DNAJA1: variants seen among roughly 807,000 people sequenced by gnomAD.
DNAJA1 encodes the protein DnaJ heat shock protein family (Hsp40) member A1.
DNAJA1 carries 26 observed loss-of-function variants against 47.6 expected under a neutral mutation model. That is an observed-to-expected ratio of 0.55 (90% CI 0.40 to 0.76). The LOEUF (loss-of-function observed/expected upper bound fraction) is 0.76. Ranked by LOEUF, DNAJA1 falls within the 30% of genes least tolerant of loss-of-function variation. The pLI is 0.00. For synonymous variants in DNAJA1, 165 were observed against 158.4 expected, an observed-to-expected ratio of 1.04 and a Z score of -0.31; for missense variants, 315 against 485.0, an observed-to-expected ratio of 0.65 and a Z score of 3.29.
At chr9:33,033,265 T>G (rs951252889) in intron 5 of DNAJA1, among the ~76,000 whole-genome samples, 13 of 151,028 alleles carry the variant, frequency 8.6e-5, no homozygotes, top group Non-Finnish European at 1.8e-4. Flanking sequence ...TAGCACTGAT[T>G]GTTTTGTTTG....
Position 33,039,536 on chromosome 9 carries a change from C to CATATATATATATATATATATATATAT in DNAJA1, c.*644_*645insTATATATATATATATATATATATATA, listed in dbSNP as rs201643498. 5.0e-3 allele frequency: 568 copies of CATATATATATATATATATATATATAT among 113,430 alleles called. 45 individuals are homozygous for CATATATATATATATATATATATATAT. Among genetic ancestry groups the CATATATATATATATATATATATATAT allele is most frequent in the Non-Finnish European group, 7.8e-3 (368 of 47,418 alleles). 7.0% of individuals were successfully genotyped at this position (113,430 alleles called of 1,614,324 possible). On this transcript the variant is annotated 3_prime_UTR_variant, in exon 9 of 9. Transcript: ENST00000330899. The stretch of plus-strand genomic sequence containing the variant: ...TTGTGTTTCCTTCTGCTGTGCCATT[C>CATATATATATATATATATATATATAT]ATATATATATACATATATATATATA...
At chr9:33,030,417 T>A (rs1838942798) in intron 4 of DNAJA1, 23 bp from the exon 5 acceptor site, 2 of 1,591,876 alleles carry the variant, frequency 1.3e-6, no homozygotes, top group Non-Finnish European at 1.7e-6. Context: ...TCATACATTA[T>A]TTAATTTTCT....
Position 33,039,572 on chromosome 9 carries a change from G to T in DNAJA1, c.*669G>T, listed in dbSNP as rs1461627512. On this transcript the variant is annotated 3_prime_UTR_variant, in exon 9 of 9. Transcript: ENST00000330899. ...ACATATATATATATAATCTTGACCA[G>T]TCCTGGTCATTTGCTCCCCTCCTTG... The T allele has an allele frequency of 1.7e-5, 2 of 117,770 alleles. No homozygotes were observed. Among genetic ancestry groups the T allele is most frequent in the African/African-American group, 6.0e-5 (2 of 33,142 alleles). 7.3% of individuals were successfully genotyped at this position (117,770 alleles called of 1,614,324 possible).
chr9:33,034,192 AC>A (rs751877707), intron 5 of DNAJA1, 23 bp from the exon 6 acceptor site: 40 of 1,501,026 alleles, frequency 2.7e-5, no homozygotes, highest in Non-Finnish European at 3.5e-5. Flanking sequence ...TAATAAAAGT[AC>A]AAAATTAATG....
chr9:33,035,692 C>T (rs984249672), intron 6 of DNAJA1, among the ~76,000 whole-genome samples: 1 of 150,540 alleles, frequency 6.6e-6, no homozygotes, highest in African/African-American at 2.5e-5. Context: ...TGGTATCGAA[C>T]TCCTGACCTT....
At chr9:33,036,918 C>T in intron 7 of DNAJA1, 97 bp from the exon 8 acceptor site, 1 of 1,137,968 alleles carries the variant, frequency 8.8e-7, no homozygotes, top group Non-Finnish European at 1.3e-6. Flanking sequence ...AAGTTTTACT[C>T]CTGCCAATGA....
chr9:33,031,201 GTTC>G (rs1838956453), intron 5 of DNAJA1, among the ~76,000 whole-genome samples: 1 of 152,260 alleles, frequency 6.6e-6, no homozygotes, highest in East Asian at 1.9e-4. Flanking sequence ...GGTTCAAGCA[GTTC>G]TTCTGCCTCA....
chr9:33,039,053 A>C lies in DNAJA1; in HGVS notation c.*150A>C. 1.3e-6 allele frequency: 1 copy of C among 766,618 alleles called. No individual in the cohort carries two copies. Among genetic ancestry groups the C allele is most frequent in the Non-Finnish European group, 2.1e-6 (1 of 487,496 alleles). 47.5% of individuals were successfully genotyped at this position (766,618 alleles called of 1,614,324 possible). A position where few individuals can be genotyped will look rare whatever the true frequency, so the allele number is the denominator to read the frequency against. ...AAAAAGTTAAATGAAGAATAAACGCAAATATAAAAGCTCTGATTTTGCCCT... is the reference window on the plus strand; with the variant it reads ...AAAAAGTTAAATGAAGAATAAACGCCAATATAAAAGCTCTGATTTTGCCCT... On this transcript the variant is annotated 3_prime_UTR_variant, in exon 9 of 9. Coordinates refer to ENST00000330899, the MANE Select transcript of DNAJA1 (RefSeq NM_001539.4).
Position 33,027,137 on chromosome 9 carries a change from G to A in DNAJA1, c.310+147G>A. 4 of 897,894 alleles carry A rather than the reference G, an allele frequency of 4.5e-6. No homozygotes were observed. The South Asian group carries it at 5.8e-5, about 13-fold the overall frequency. 55.6% of individuals were successfully genotyped at this position (897,894 alleles called of 1,614,324 possible). A position where few individuals can be genotyped will look rare whatever the true frequency, so the allele number is the denominator to read the frequency against. ...CAAATTGCCTCTGATTTATGGTGTC[G>A]TGTTTTTTTGTTGTGGTTTTTTTTT... On this transcript the variant is annotated intron_variant, in intron 3 of 8. Coordinates refer to ENST00000330899, the MANE Select transcript of DNAJA1 (RefSeq NM_001539.4).
intron 5 of DNAJA1, among the ~76,000 whole-genome samples, chr9:33,033,229 C>T (rs1389037535): frequency 6.6e-6 from 1 of 150,806 alleles, no homozygotes; most frequent in Non-Finnish European, 1.5e-5. Context: ...TTGTATTTTA[C>T]GGACCACATG....
Position 33,029,704 on chromosome 9 carries a change from C to T in DNAJA1, c.311-181C>T, listed in dbSNP as rs140300259. 9.9e-3 allele frequency among the ~76,000 whole-genome samples: 1,508 copies of T among 152,312 alleles called. 19 individuals carry two copies. The highest frequency in any genetic ancestry group is 0.01 in the Non-Finnish European group (705 of 68,034). On this transcript the variant is annotated intron_variant, in intron 3 of 8. Transcript: ENST00000330899. The stretch of plus-strand genomic sequence containing the variant: ...CCTGATTTTCCCTCATCTGTGATTA[C>T]ATCACAGTTTGAGGATCATCTGTGA...
At chr9:33,034,416 G>T in intron 6 of DNAJA1, 86 bp downstream of exon 6, 2 of 956,304 alleles carry the variant, frequency 2.1e-6, no homozygotes, top group Non-Finnish European at 1.6e-6. Flanking sequence ...TTTTTAAAGT[G>T]TTTTCCATTA....
intron 6 of DNAJA1, 36 bp downstream of exon 6, chr9:33,034,366 CAT>C (rs1380119554): frequency 6.6e-7 from 1 of 1,510,952 alleles, no homozygotes; most frequent in Non-Finnish European, 9.1e-7. Flanking sequence ...ATTGATATCA[CAT>C]ATTTGGGTTG....
intron 3 of DNAJA1, among the ~76,000 whole-genome samples, chr9:33,029,151 A>G (rs1838921304): frequency 6.6e-6 from 1 of 152,240 alleles, no homozygotes; most frequent in African/African-American, 2.4e-5. Flanking sequence ...ATTTAAGACA[A>G]AAACAAAAAT....
intron 6 of DNAJA1, 187 bp from the exon 7 acceptor site, chr9:33,036,387 C>A (rs887491255): frequency 2.6e-6 from 1 of 386,040 alleles, no homozygotes; most frequent in Non-Finnish European, 4.7e-6. Flanking sequence ...AACTAGGAAA[C>A]GGGGCTGGCA....
chr9:33,037,691 AAAAAG>A (rs1024895814), intron 8 of DNAJA1, among the ~76,000 whole-genome samples: 8 of 152,214 alleles, frequency 5.3e-5, no homozygotes, highest in African/African-American at 1.7e-4. Flanking sequence ...CAAAAAAAGA[AAAAAG>A]AAAATTTACC....
At position 33,026,857 on chromosome 9, in the gene DNAJA1, G is replaced by A; in HGVS notation, c.177G>A (p.Lys59=). The A allele has an allele frequency of 3.7e-6, 6 of 1,614,140 alleles. No individual in the cohort carries two copies. Among genetic ancestry groups the A allele is most frequent in the Non-Finnish European group, 5.1e-6 (6 of 1,180,016 alleles). The change falls in exon 3 of 9, where the codon AAG becomes AAA. Residue 59 remains lysine, a synonymous_variant. Transcript: ENST00000330899. ...CTTACGAAGTTCTCTCTGATGCAAA[G>A]AAAAGGGAATTATATGACAAAGGAG... The part of the protein sequence containing the change: ...SQAYEVLSDA[K]KRELYDKGGE...
chr9:33,029,997 GTTTTTTTGTT>G lies in DNAJA1; in HGVS notation c.415+11_415+20del. ...TTTGTGACAAATGTGAAGGTACGGT[GTTTTTTTGTT>G]TTGTTTTGTTTTGTTTTTAAGCACC... On this transcript the variant is annotated intron_variant, in intron 4 of 8. Coordinates refer to ENST00000330899, the MANE Select transcript of DNAJA1 (RefSeq NM_001539.4). 1 of 1,608,216 alleles carries G rather than the reference GTTTTTTTGTT, an allele frequency of 6.2e-7. No homozygotes were observed. The highest frequency in any genetic ancestry group is 8.5e-7 in the Non-Finnish European group (1 of 1,178,352).
chr9:33,033,455 C>G (rs1356363417), intron 5 of DNAJA1, among the ~76,000 whole-genome samples: 1 of 151,906 alleles, frequency 6.6e-6, no homozygotes, highest in Non-Finnish European at 1.5e-5. Flanking sequence ...AATCCGAACA[C>G]TATAGGATGC....
Sources: gnomAD v4.1 joint callset for allele counts (sites outside exome capture counted in the v4.1 genomes callset) on GRCh38, gnomAD v4.1.1 for gene constraint, MANE v1.5 for transcripts, NCBI Gene and HGNC (gene_info 2026-07-23, HGNC 2026-07-21) for gene names.